The following ZDHHC23 variants were observed in gnomAD, a reference collection of about 807,000 sequenced individuals.
ZDHHC23 encodes zDHHC palmitoyltransferase 23.
ZDHHC23 carries 41 observed loss-of-function variants against 40.2 expected under a neutral mutation model. The observed-to-expected ratio is 1.02, with a 90% CI of 0.79 to 1.32. The LOEUF is 1.32. ZDHHC23 is among the 40% of genes most tolerant of loss of function. The probability of loss-of-function intolerance (pLI) is 0.00; values close to 1 mark genes in which losing one functional copy is unlikely to be tolerated. For missense variants in ZDHHC23, 471 were observed against 541.5 expected, an observed-to-expected ratio of 0.87 and a Z score of 1.29; for synonymous variants, 204 against 210.2, an observed-to-expected ratio of 0.97 and a Z score of 0.26.
chr3:113,948,695 G>A lies in ZDHHC23; in HGVS notation c.-108G>A. 1 of 1,349,970 alleles carries A rather than the reference G, an allele frequency of 7.4e-7. No individual in the cohort carries two copies. 83.6% of individuals were successfully genotyped at this position (1,349,970 alleles called of 1,614,324 possible). On this transcript the variant is annotated 5_prime_UTR_variant, in exon 2 of 5. Transcript: ENST00000638807. Reference sequence around the variant, plus strand: ...ATTTTTGATTGCTCAGGCGTTGGAGGTTAAGCAGAGAGAGAGAGGCGTGGA... The same window carrying A: ...ATTTTTGATTGCTCAGGCGTTGGAGATTAAGCAGAGAGAGAGAGGCGTGGA...
the ZDHHC23 span, among the ~76,000 whole-genome samples, chr3:113,973,053 A>G: frequency 6.6e-6 from 1 of 152,086 alleles, no homozygotes; most frequent in Non-Finnish European, 1.5e-5. Flanking sequence ...ATTTATATTC[A>G]GTTATTGATA....
At chr3:113,977,101 G>A in the ZDHHC23 span, among the ~76,000 whole-genome samples, 1 of 152,002 alleles carries the variant, frequency 6.6e-6, no homozygotes. Context: ...AAAGAAAACA[G>A]CACCAGTCAA....
At chr3:113,979,037 T>C in the ZDHHC23 span, 1 of 1,600,760 alleles carries the variant, frequency 6.2e-7, no homozygotes, top group South Asian at 1.1e-5. Context: ...ATGAGAAATA[T>C]TATTCCTTAA....
At chr3:113,963,735 C>T (rs1939856535), downstream of ZDHHC23, among the ~76,000 whole-genome samples, 1 of 151,348 alleles carries the variant, frequency 6.6e-6, no homozygotes, top group Non-Finnish European at 1.5e-5. Flanking sequence ...AGAGTGAGAC[C>T]CTGTCTCAAA....
chr3:113,948,778 C>T lies in ZDHHC23; in HGVS notation c.-25C>T, dbSNP rs1323404043. The T allele has an allele frequency of 3.7e-6, 6 of 1,613,580 alleles. No individual in the cohort carries two copies. The highest frequency in any genetic ancestry group is 1.1e-5 in the South Asian group (1 of 91,072). ...ACCTTTACCTTCTGAGGGCTTCTTACGCCTCATGGTGACAGGTGCAAATCA... is the reference window on the plus strand; with the variant it reads ...ACCTTTACCTTCTGAGGGCTTCTTATGCCTCATGGTGACAGGTGCAAATCA... On this transcript the variant is annotated 5_prime_UTR_variant, in exon 2 of 5. It adds an upstream start codon to the 5' untranslated region. Transcript: ENST00000638807.
At chr3:113,958,071 C>T (rs779651731) in intron 4 of ZDHHC23, among the ~76,000 whole-genome samples, 21 of 152,078 alleles carry the variant, frequency 1.4e-4, no homozygotes, top group Non-Finnish European at 2.2e-4. Context: ...GTGTTGAACG[C>T]TGTTATGTCA....
At chr3:113,958,227 T>G (rs1939418639) in intron 4 of ZDHHC23, 136 bp from the exon 5 acceptor site, 1 of 715,582 alleles carries the variant, frequency 1.4e-6, no homozygotes, top group Middle Eastern at 4.1e-4. Context: ...ATTCTGAGTA[T>G]CTTCCAGTTC....
chr3:113,955,861 T>A (rs903960894), intron 3 of ZDHHC23, among the ~76,000 whole-genome samples: 1 of 152,240 alleles, frequency 6.6e-6, no homozygotes, highest in African/African-American at 2.4e-5. Flanking sequence ...AATATAAGAC[T>A]GCATTCCTCA....
chr3:113,963,805 T>C (rs1435127977), downstream of ZDHHC23, among the ~76,000 whole-genome samples: 1 of 152,092 alleles, frequency 6.6e-6, no homozygotes, highest in Non-Finnish European at 1.5e-5. Context: ...CGGGTGCTAA[T>C]ATCAGCCAGT....
At position 113,958,960 on chromosome 3, in the gene ZDHHC23, AG is replaced by A; in HGVS notation, c.*332del. 8.4e-7 allele frequency: 1 copy of A among 1,196,160 alleles called. No homozygotes were observed. Among genetic ancestry groups the A allele is most frequent in the Non-Finnish European group, 1.1e-6 (1 of 946,846 alleles). The allele number at this position is 1,196,160 out of a possible 1,614,324, so 74.1% of individuals were successfully genotyped here. A position where few individuals can be genotyped will look rare whatever the true frequency, so the allele number is the denominator to read the frequency against. The stretch of plus-strand genomic sequence containing the variant: ...AGTATGGAGGAAAGAGTGTTGGATT[AG>A]GATAGTTTCTAGTCCCTCTTTCGAT... On this transcript the variant is annotated 3_prime_UTR_variant, in exon 5 of 5. Coordinates refer to ENST00000638807, the MANE Select transcript of ZDHHC23 (RefSeq NM_001320466.2).
At chr3:113,965,884 T>C (rs1385670520), downstream of ZDHHC23, among the ~76,000 whole-genome samples, 3 of 152,120 alleles carry the variant, frequency 2.0e-5, no homozygotes, top group Non-Finnish European at 4.4e-5. Context: ...TGTGGGCCAC[T>C]GTGCCTGGCC....
chr3:113,967,376 T>C, downstream of ZDHHC23, among the ~76,000 whole-genome samples: 1 of 115,256 alleles, frequency 8.7e-6, no homozygotes, highest in Admixed American at 1.0e-4. Context: ...CTTGCCTACA[T>C]TTCTCTTTCT....
Position 113,963,269 on chromosome 3 carries a change from C to G in ZDHHC23, c.*4639C>G, listed in dbSNP as rs574440699. Reference sequence around the variant, plus strand: ...GTATCTCTTTAGAAGGCTCTGTATTCGGTAAAAAGTCTAGCTGGCGCCATT... The same window carrying G: ...GTATCTCTTTAGAAGGCTCTGTATTGGGTAAAAAGTCTAGCTGGCGCCATT... On this transcript the variant is annotated 3_prime_UTR_variant, in exon 5 of 5. Transcript: ENST00000638807. The G allele has an allele frequency of 6.6e-6, 1 of 152,018 alleles. No individual in the cohort carries two copies. The highest frequency in any genetic ancestry group is 1.5e-5 in the Non-Finnish European group (1 of 68,014). 9.4% of individuals were successfully genotyped at this position (152,018 alleles called of 1,614,324 possible).
chr3:113,954,529 A>G lies in ZDHHC23; in HGVS notation c.872+119A>G, dbSNP rs190113129. 1.4e-5 allele frequency: 14 copies of G among 968,682 alleles called. No homozygotes were observed. The Admixed American group carries it at 3.7e-4, about 25-fold the overall frequency. The allele number at this position is 968,682 out of a possible 1,614,324, so 60.0% of individuals were successfully genotyped here. On this transcript the variant is annotated intron_variant, in intron 3 of 4. Transcript: ENST00000638807. Reference sequence around the variant, plus strand: ...TCCTTCCCAGCTTTACACCTTGTAGATATTTGTGGGTTGTTGTGATGTTCC... The same window carrying G: ...TCCTTCCCAGCTTTACACCTTGTAGGTATTTGTGGGTTGTTGTGATGTTCC...
chr3:113,953,409 A>C (rs747122278), intron 2 of ZDHHC23, among the ~76,000 whole-genome samples: 1 of 152,256 alleles, frequency 6.6e-6, no homozygotes, highest in Non-Finnish European at 1.5e-5. Flanking sequence ...TTGTTTTGAG[A>C]TTCTTATGAC....
At position 113,953,894 on chromosome 3, in the gene ZDHHC23, C is replaced by T. The variant is rs758293228; in HGVS notation, c.356C>T (p.Ser119Phe). 7 of 1,614,140 alleles carry T rather than the reference C, an allele frequency of 4.3e-6. No individual in the cohort carries two copies. The South Asian group carries it at 5.5e-5, about 13-fold the overall frequency. The change falls in exon 3 of 5, where the codon TCC becomes TTC. Residue 119 changes from serine to phenylalanine, a missense_variant. By Grantham distance (155) the Ser-to-Phe change is radical. Coordinates refer to ENST00000638807, the MANE Select transcript of ZDHHC23 (RefSeq NM_001320466.2). ...CTCCTGGGGGTGGTGGTTTTGACCT[C>T]CCTTCCTGTGCTGGCACTGTGGTAC... ...HFLLGVVVLT[S>F]LPVLALWYYY...
At chr3:113,948,337 G>C (rs147431234) in intron 1 of ZDHHC23, 147 bp downstream of exon 1, 2 of 163,170 alleles carry the variant, frequency 1.2e-5, no homozygotes, top group African/African-American at 4.8e-5. Flanking sequence ...CTGCCAGGGA[G>C]CCTGGTGTGT....
downstream of ZDHHC23, among the ~76,000 whole-genome samples, chr3:113,969,134 G>A (rs1940533944): frequency 6.6e-6 from 1 of 152,268 alleles, no homozygotes; most frequent in Non-Finnish European, 1.5e-5. Flanking sequence ...ATTTACAGAG[G>A]ATGGCATTAA....
In ZDHHC23 at chr3:113,948,809, C is replaced by G. The variant is rs541860562; in HGVS notation, c.7C>G (p.Gln3Glu). Residue 3 changes from glutamine to glutamate, a missense_variant, in exon 2 of 5, where the codon CAG (glutamine) becomes GAG (glutamate). This residue lies in a region of ZDHHC23 where 83 missense variants were observed against 67.8 expected (regional missense o/e 1.22). Coordinates refer to ENST00000638807, the MANE Select transcript of ZDHHC23 (RefSeq NM_001320466.2). ...ATGGTGACAGGTGCAAATCATGACACAGAAGGGCAGTATGAAGCCTGTGAA... is the reference window on the plus strand; with the variant it reads ...ATGGTGACAGGTGCAAATCATGACAGAGAAGGGCAGTATGAAGCCTGTGAA... MT[Q>E]KGSMKPVKKK... 41 of 1,614,144 alleles carry G rather than the reference C, an allele frequency of 2.5e-5. No homozygotes were observed. In the Admixed American group the frequency reaches 2.7e-4, roughly 10 times the overall value.
Sources: gnomAD v4.1 joint callset for allele counts (sites outside exome capture counted in the v4.1 genomes callset) on GRCh38, gnomAD v4.1.1 for gene constraint, gnomAD v4.1.1 regional missense constraint, MANE v1.5 for transcripts, NCBI Gene and HGNC (gene_info 2026-07-23, HGNC 2026-07-21) for gene names.